Variants in ZNF385D observed in about 807,000 individuals in gnomAD.
The protein encoded by ZNF385D is zinc finger protein 659.
A neutral mutation model predicts 35.8 loss-of-function variants in ZNF385D; 15 were observed. That is an observed-to-expected ratio of 0.42 (90% CI 0.28 to 0.64). The LOEUF (loss-of-function observed/expected upper bound fraction) is 0.64. ZNF385D is among the 30% of genes least tolerant of loss of function. The pLI, the probability that ZNF385D is intolerant of heterozygous loss-of-function variation, is 0.23. For missense variants in ZNF385D, 474 were observed against 494.6 expected, an observed-to-expected ratio of 0.96 and a Z score of 0.39; for synonymous variants, 212 against 186.8, an observed-to-expected ratio of 1.13 and a Z score of -1.10.
At chr3:22,274,327 T>C (rs952351402) in intron 2 of ZNF385D, among the ~76,000 whole-genome samples, 2 of 151,994 alleles carry the variant, frequency 1.3e-5, no homozygotes, top group Admixed American at 6.6e-5. Context: ...AATTTTTCAG[T>C]ATAATATAAC....
chr3:21,693,065 C>G (rs2067337566), intron 1 of ZNF385D, among the ~76,000 whole-genome samples: 1 of 152,190 alleles, frequency 6.6e-6, no homozygotes, highest in African/African-American at 2.4e-5. Context: ...ACACAGACAA[C>G]TTTGTACCCA....
chr3:21,737,634 T>C (rs1237954522), intron 1 of ZNF385D, among the ~76,000 whole-genome samples: 1 of 152,178 alleles, frequency 6.6e-6, no homozygotes, highest in African/African-American at 2.4e-5. Context: ...CTTTTATAAT[T>C]CTCAATTTAA....
chr3:22,361,488 C>T (rs1406894985), intron 2 of ZNF385D, among the ~76,000 whole-genome samples: 1 of 152,054 alleles, frequency 6.6e-6, no homozygotes, highest in Non-Finnish European at 1.5e-5. Flanking sequence ...GTTATCTTCA[C>T]ATCAAATCTG....
At chr3:22,099,470 CAA>C (rs930386776) in intron 3 of ZNF385D, among the ~76,000 whole-genome samples, 1 of 152,026 alleles carries the variant, frequency 6.6e-6, no homozygotes, top group Non-Finnish European at 1.5e-5. Flanking sequence ...CAGCTTGTCT[CAA>C]AGTCTTGCTA....
intron 5 of ZNF385D, among the ~76,000 whole-genome samples, chr3:21,425,950 G>A (rs528355190): frequency 1.8e-4 from 27 of 152,108 alleles, no homozygotes; most frequent in African/African-American, 5.5e-4. Flanking sequence ...AACAAGCACC[G>A]TTAGTATAGT....
chr3:22,010,279 C>T (rs151140122), intron 3 of ZNF385D, among the ~76,000 whole-genome samples: 68 of 152,242 alleles, frequency 4.5e-4, no homozygotes, highest in African/African-American at 8.9e-4. Context: ...CTATAAACAC[C>T]GATGTCACAA....
intron 4 of ZNF385D, among the ~76,000 whole-genome samples, chr3:21,470,724 TGTCCTCTAG>T (rs1703828867): frequency 6.6e-6 from 1 of 152,118 alleles, no homozygotes; most frequent in African/African-American, 2.4e-5. Context: ...CAGGCAGACG[TGTCCTCTAG>T]GTTTGACTAC....
chr3:21,457,076 A>C (rs142516564), intron 4 of ZNF385D, among the ~76,000 whole-genome samples: 194 of 152,278 alleles, frequency 1.3e-3, no homozygotes, highest in Middle Eastern at 0.01. Context: ...TTTGTTCTCT[A>C]TTGATCCTTA....
chr3:21,828,596 G>A (rs551134687), intron 3 of ZNF385D, among the ~76,000 whole-genome samples: 1 of 152,308 alleles, frequency 6.6e-6, no homozygotes, highest in South Asian at 2.1e-4. Context: ...GCTACCTACT[G>A]TGTGTCAGGC....
intron 3 of ZNF385D, 39 bp downstream of exon 3, chr3:21,564,535 A>ATTT: frequency 8.8e-7 from 1 of 1,130,012 alleles, no homozygotes; most frequent in Non-Finnish European, 1.2e-6. Flanking sequence ...AGCAAAATGT[A>ATTT]TTTTTTTTTT....
intron 2 of ZNF385D, among the ~76,000 whole-genome samples, chr3:22,293,524 G>T (rs1452011132): frequency 6.6e-6 from 1 of 152,024 alleles, no homozygotes; most frequent in African/African-American, 2.4e-5. Flanking sequence ...GCTAATTATA[G>T]CAGTGTTACC....
At chr3:22,325,862 T>C (rs1694654051) in intron 2 of ZNF385D, among the ~76,000 whole-genome samples, 1 of 152,216 alleles carries the variant, frequency 6.6e-6, no homozygotes. Flanking sequence ...CTGGTAGTTT[T>C]AACTACAAAT....
intron 3 of ZNF385D, among the ~76,000 whole-genome samples, chr3:22,107,035 T>TTTTTTTTTC (rs1300699923): frequency 6.8e-6 from 1 of 147,864 alleles, no homozygotes; most frequent in Non-Finnish European, 1.5e-5. Context: ...AGTTTTTTTT[T>TTTTTTTTTC]TTTTTTTAGA....
At chr3:22,058,733 T>C (rs1256747210) in intron 3 of ZNF385D, among the ~76,000 whole-genome samples, 1 of 152,248 alleles carries the variant, frequency 6.6e-6, no homozygotes, top group Non-Finnish European at 1.5e-5. Context: ...TGCAAATCTA[T>C]ACCATTTCAA....
intron 3 of ZNF385D, among the ~76,000 whole-genome samples, chr3:21,853,695 C>T (rs534707450): frequency 1.3e-5 from 2 of 151,812 alleles, no homozygotes; most frequent in South Asian, 4.2e-4. Flanking sequence ...GTTAATGTGA[C>T]TCTTGACATG....
chr3:22,206,635 T>A (rs989278723), intron 2 of ZNF385D, among the ~76,000 whole-genome samples: 1 of 151,658 alleles, frequency 6.6e-6, no homozygotes, highest in Admixed American at 6.6e-5. Flanking sequence ...GTTTGAGAAC[T>A]ATACAAATGA....
At chr3:22,110,789 A>T (rs747235195) in intron 3 of ZNF385D, among the ~76,000 whole-genome samples, 24 of 83,724 alleles carry the variant, frequency 2.9e-4, no homozygotes, top group Non-Finnish European at 7.2e-4. Context: ...AAAGTATAAT[A>T]AAAAAAAAAA....
At chr3:21,971,742 A>T (rs1304111773) in intron 3 of ZNF385D, among the ~76,000 whole-genome samples, 4 of 151,936 alleles carry the variant, frequency 2.6e-5, no homozygotes. Context: ...ATAAAGATAC[A>T]TATAAACTGA....
At chr3:21,578,727 T>C (rs991996306) in intron 2 of ZNF385D, among the ~76,000 whole-genome samples, 2 of 152,164 alleles carry the variant, frequency 1.3e-5, no homozygotes, top group Non-Finnish European at 2.9e-5. Flanking sequence ...GCTGTTTGGG[T>C]TTCTATAGCT....
Sources: gnomAD v4.1 joint callset for allele counts (sites outside exome capture counted in the v4.1 genomes callset) on GRCh38, gnomAD v4.1.1 for gene constraint, MANE v1.5 for transcripts, NCBI Gene and HGNC (gene_info 2026-07-23, HGNC 2026-07-21) for gene names.